XYLT1: variants seen among roughly 807,000 people sequenced by gnomAD.
The protein encoded by XYLT1 is beta-D-xylosyltransferase 1.
Under a neutral mutation model 91.3 loss-of-function variants are expected in XYLT1, and 36 were observed. The ratio of observed to expected loss-of-function variants is 0.39; its 90% CI spans 0.30 to 0.52. XYLT1 has a LOEUF of 0.52. Among genes scored for constraint, XYLT1 ranks in the 20% least tolerant of loss-of-function variants. The probability of loss-of-function intolerance (pLI) is 0.68; values close to 1 mark genes in which losing one functional copy is unlikely to be tolerated. For missense variants in XYLT1, 1,242 were observed against 1,284.5 expected, an observed-to-expected ratio of 0.97 and a Z score of 0.51; for synonymous variants, 588 against 532.0, an observed-to-expected ratio of 1.11 and a Z score of -1.45.
At chr16:17,329,530 A>G (rs1439345879) in intron 2 of XYLT1, among the ~76,000 whole-genome samples, 1 of 152,154 alleles carries the variant, frequency 6.6e-6, no homozygotes, top group Non-Finnish European at 1.5e-5. Context: ...CCTTTCTCCA[A>G]CATTATCTCA....
chr16:17,250,930 G>T (rs1292841814), intron 3 of XYLT1: 1 of 152,222 alleles, frequency 6.6e-6, no homozygotes, highest in East Asian at 1.9e-4. Flanking sequence ...TACAGCAAAG[G>T]ATCTGGGAGA....
chr16:17,283,261 C>T (rs182863515), intron 2 of XYLT1, among the ~76,000 whole-genome samples: 15 of 152,272 alleles, frequency 9.9e-5, no homozygotes, highest in African/African-American at 3.6e-4. Flanking sequence ...TCCATATGCT[C>T]TTCTGTTTAG....
At chr16:17,416,620 G>A (rs778422182) in intron 1 of XYLT1, among the ~76,000 whole-genome samples, 54 of 151,856 alleles carry the variant, frequency 3.6e-4, no homozygotes, top group Non-Finnish European at 1.6e-4. Context: ...TGGAGGAGCT[G>A]CGGCTCCTGC....
At chr16:17,417,468 C>T (rs995807221) in intron 1 of XYLT1, among the ~76,000 whole-genome samples, 14 of 152,044 alleles carry the variant, frequency 9.2e-5, no homozygotes, top group Non-Finnish European at 1.8e-4. Flanking sequence ...ACCTGGTTAA[C>T]GCGACTTAAC....
intron 2 of XYLT1, among the ~76,000 whole-genome samples, chr16:17,292,362 C>A (rs187102842): frequency 5.3e-5 from 8 of 152,150 alleles, no homozygotes; most frequent in Non-Finnish European, 1.2e-4. Flanking sequence ...GTGTCACAGA[C>A]GAGATTCCTC....
intron 2 of XYLT1, among the ~76,000 whole-genome samples, chr16:17,328,582 T>C (rs1383142919): frequency 1.1e-5 from 1 of 89,784 alleles, no homozygotes; most frequent in Admixed American, 1.3e-4. Context: ...AAAAAGAAGG[T>C]GTGATAAATA....
intron 2 of XYLT1, among the ~76,000 whole-genome samples, chr16:17,268,749 C>T (rs9924444): frequency 0.14 from 21,787 of 150,484 alleles, 2,638 homozygotes; most frequent in African/African-American, 0.33. Flanking sequence ...CTCGGCTCAC[C>T]GCAACCTCCG....
At chr16:17,264,722 AAAAC>A (rs945613478) in intron 2 of XYLT1, among the ~76,000 whole-genome samples, 10 of 152,334 alleles carry the variant, frequency 6.6e-5, no homozygotes, top group Non-Finnish European at 1.2e-4. Flanking sequence ...AAAACTCACC[AAAAC>A]AGACAGTATT....
intron 5 of XYLT1, among the ~76,000 whole-genome samples, chr16:17,195,994 C>T (rs1032307049): frequency 7.2e-5 from 11 of 152,328 alleles, no homozygotes; most frequent in Middle Eastern, 3.4e-3. Context: ...TAACCATTCC[C>T]GTTTATCCCT....
intron 2 of XYLT1, among the ~76,000 whole-genome samples, chr16:17,293,767 G>A (rs2034266907): frequency 6.6e-6 from 1 of 152,128 alleles, no homozygotes; most frequent in South Asian, 2.1e-4. Context: ...GGGGTTACAG[G>A]CGTGAGCCAC....
At chr16:17,328,349 C>A (rs1305381281) in intron 2 of XYLT1, among the ~76,000 whole-genome samples, 2 of 151,796 alleles carry the variant, frequency 1.3e-5, no homozygotes, top group Non-Finnish European at 2.9e-5. Flanking sequence ...CAGTTTGAGA[C>A]CAGCCTAAGC....
chr16:17,298,258 T>TGG (rs1265539252), intron 2 of XYLT1, among the ~76,000 whole-genome samples: 1 of 152,080 alleles, frequency 6.6e-6, no homozygotes, highest in East Asian at 1.9e-4. Flanking sequence ...GGCGAGGGAA[T>TGG]GGGCTGGAGG....
At chr16:17,300,957 T>C (rs529222949) in intron 2 of XYLT1, among the ~76,000 whole-genome samples, 3 of 152,288 alleles carry the variant, frequency 2.0e-5, no homozygotes, top group Non-Finnish European at 4.4e-5. Flanking sequence ...TGTGCAACTC[T>C]GGGTATGTTA....
At chr16:17,358,738 G>A (rs976038640) in intron 1 of XYLT1, among the ~76,000 whole-genome samples, 1 of 152,190 alleles carries the variant, frequency 6.6e-6, no homozygotes, top group Non-Finnish European at 1.5e-5. Context: ...GGCTCCGTAA[G>A]AGGATTAGGA....
At chr16:17,243,599 A>C (rs2033383364) in intron 3 of XYLT1, among the ~76,000 whole-genome samples, 1 of 152,202 alleles carries the variant, frequency 6.6e-6, no homozygotes, top group Non-Finnish European at 1.5e-5. Flanking sequence ...TCCCTTGCAC[A>C]AGGTCCCGAG....
At chr16:17,371,245 A>C (rs1371784089) in intron 1 of XYLT1, among the ~76,000 whole-genome samples, 1 of 152,214 alleles carries the variant, frequency 6.6e-6, no homozygotes, top group Non-Finnish European at 1.5e-5. Context: ...AACTTGTCCC[A>C]CTTCCCCAGG....
chr16:17,144,449 G>C (rs2031080834), intron 6 of XYLT1, among the ~76,000 whole-genome samples: 1 of 152,184 alleles, frequency 6.6e-6, no homozygotes, highest in Non-Finnish European at 1.5e-5. Flanking sequence ...GAAAAATGGG[G>C]ACTAGGGCAA....
At chr16:17,129,247 G>A (rs2030381690) in intron 9 of XYLT1, among the ~76,000 whole-genome samples, 1 of 152,000 alleles carries the variant, frequency 6.6e-6, no homozygotes, top group South Asian at 2.1e-4. Context: ...AAAACCTCCT[G>A]CGATGACAGA....
intron 4 of XYLT1, 126 bp from the exon 5 acceptor site, chr16:17,198,540 G>C (rs895598235): frequency 1.5e-5 from 13 of 855,782 alleles, no homozygotes; most frequent in East Asian, 8.0e-5. Context: ...AGTGGCCTTT[G>C]CCAAGTAAAT....
Sources: gnomAD v4.1 joint callset for allele counts (sites outside exome capture counted in the v4.1 genomes callset) on GRCh38, gnomAD v4.1.1 for gene constraint, MANE v1.5 for transcripts, NCBI Gene and HGNC (gene_info 2026-07-23, HGNC 2026-07-21) for gene names.